The following LINGO2 variants were observed in gnomAD, a reference collection of about 807,000 sequenced individuals.
LINGO2 encodes leucine rich repeat and Ig domain containing 2.
Under a neutral mutation model 30.6 loss-of-function variants are expected in LINGO2, and 14 were observed. That is an observed-to-expected ratio of 0.46 (90% CI 0.30 to 0.72). The LOEUF is 0.72. LINGO2 is among the 30% of genes least tolerant of loss of function. LINGO2 has a pLI of 0.07. For synonymous variants in LINGO2, 317 were observed against 288.5 expected, an observed-to-expected ratio of 1.10 and a Z score of -1.00; for missense variants, 729 against 751.7, an observed-to-expected ratio of 0.97 and a Z score of 0.35.
intron 4 of LINGO2, among the ~76,000 whole-genome samples, chr9:28,198,385 T>A (rs1820094952): frequency 6.6e-6 from 1 of 152,136 alleles, no homozygotes; most frequent in Non-Finnish European, 1.5e-5. Context: ...TGGATAAATA[T>A]ACTGTATAGG....
intron 5 of LINGO2, among the ~76,000 whole-genome samples, chr9:28,011,803 G>A (rs550333687): frequency 3.0e-4 from 46 of 152,320 alleles, no homozygotes; most frequent in Non-Finnish European, 5.6e-4. Context: ...CCTGGCAAGA[G>A]AAGTGGCCTG....
At chr9:28,381,346 T>A (rs1184719881) in intron 2 of LINGO2, among the ~76,000 whole-genome samples, 1 of 152,118 alleles carries the variant, frequency 6.6e-6, no homozygotes, top group African/African-American at 2.4e-5. Context: ...AAAAATAATT[T>A]CAGTCTCCAT....
In LINGO2 at chr9:28,181,626, T is replaced by A. The variant is rs1443117282; in HGVS notation, c.-87+113582A>T. The stretch of plus-strand genomic sequence containing the variant: ...CAACTTTGGGAAGCCTAATGAAATG[T>A]TTTCAAATTGACAGCAAAGACCCTG... On this transcript the variant is annotated intron_variant, in intron 4 of 5. Coordinates refer to ENST00000379992, the Ensembl canonical transcript of LINGO2. 3.9e-5 allele frequency among the ~76,000 whole-genome samples: 6 copies of A among 152,144 alleles called. No individual in the cohort carries two copies. The South Asian group carries it at 1.0e-3, about 26-fold the overall frequency.
chr9:29,005,647 T>C, the LINGO2 span, among the ~76,000 whole-genome samples: 1 of 152,088 alleles, frequency 6.6e-6, no homozygotes, highest in Non-Finnish European at 1.5e-5. Context: ...GACACCCATG[T>C]ATACCAAAAT....
the LINGO2 span, among the ~76,000 whole-genome samples, chr9:28,701,941 C>A: frequency 4.6e-5 from 7 of 151,914 alleles, no homozygotes; most frequent in South Asian, 1.5e-3. Context: ...TTCTTTAATG[C>A]TGATATATGG....
chr9:28,820,615 CA>C, the LINGO2 span, among the ~76,000 whole-genome samples: 2 of 151,946 alleles, frequency 1.3e-5, no homozygotes, highest in Non-Finnish European at 2.9e-5. Context: ...AAACAATTTG[CA>C]AAAAAACTGG....
At chr9:29,202,140 G>A in the LINGO2 span, among the ~76,000 whole-genome samples, 4 of 151,516 alleles carry the variant, frequency 2.6e-5, no homozygotes, top group Non-Finnish European at 4.4e-5. Context: ...TTGTCTTCCA[G>A]GACCACATGA....
intron 1 of LINGO2, among the ~76,000 whole-genome samples, chr9:28,594,057 A>C (rs112663002): frequency 1.2e-3 from 188 of 152,184 alleles, no homozygotes; most frequent in Admixed American, 6.4e-3. Flanking sequence ...ATAAAAAAAA[A>C]CACAAAAGTA....
intron 2 of LINGO2, among the ~76,000 whole-genome samples, chr9:28,397,410 TC>T (rs1193910698): frequency 6.7e-6 from 1 of 149,832 alleles, no homozygotes; most frequent in Non-Finnish European, 1.5e-5. Context: ...TATGGATAAA[TC>T]TAGCTAATTA....
At chr9:28,097,872 T>TA (rs113042336) in intron 4 of LINGO2, among the ~76,000 whole-genome samples, 142,439 of 151,108 alleles carry the variant, frequency 0.94, 67,046 homozygotes, top group South Asian at 0.99. Context: ...ACACAACCTC[T>TA]TAAAAAAAAT....
intron 4 of LINGO2, among the ~76,000 whole-genome samples, chr9:28,041,971 C>A (rs954788712): frequency 6.6e-5 from 10 of 152,156 alleles, no homozygotes; most frequent in Non-Finnish European, 1.3e-4. Context: ...GGTTTTAAAG[C>A]TTAGCTCTGT....
chr9:28,023,932 T>C (rs1303012425), intron 4 of LINGO2, among the ~76,000 whole-genome samples: 1 of 152,186 alleles, frequency 6.6e-6, no homozygotes, highest in Non-Finnish European at 1.5e-5. Flanking sequence ...TACCCATTTA[T>C]GGTTCCAGTA....
At chr9:28,278,006 C>G (rs974137222) in intron 4 of LINGO2, among the ~76,000 whole-genome samples, 2 of 151,850 alleles carry the variant, frequency 1.3e-5, no homozygotes, top group Non-Finnish European at 2.9e-5. Context: ...CTCCAGTGAA[C>G]CCAAAAATTG....
At chr9:28,881,401 G>T in the LINGO2 span, among the ~76,000 whole-genome samples, 3 of 152,070 alleles carry the variant, frequency 2.0e-5, no homozygotes, top group African/African-American at 7.2e-5. Context: ...TGGAATTATA[G>T]GCATGAGCCA....
At chr9:28,543,184 G>T (rs1821782310) in intron 1 of LINGO2, among the ~76,000 whole-genome samples, 1 of 152,092 alleles carries the variant, frequency 6.6e-6, no homozygotes, top group Non-Finnish European at 1.5e-5. Context: ...AATGTCTTTA[G>T]CAGATTTAAC....
At chr9:28,700,365 A>G in the LINGO2 span, among the ~76,000 whole-genome samples, 1 of 152,046 alleles carries the variant, frequency 6.6e-6, no homozygotes, top group African/African-American at 2.4e-5. Context: ...TACTTTCTCT[A>G]GAATCTCCTA....
chr9:29,208,629 C>T, the LINGO2 span, among the ~76,000 whole-genome samples: 2 of 152,078 alleles, frequency 1.3e-5, no homozygotes, highest in African/African-American at 4.8e-5. Flanking sequence ...TCAAGCGCTA[C>T]ATTTACTTGG....
intron 1 of LINGO2, among the ~76,000 whole-genome samples, chr9:28,584,564 C>A (rs1471155940): frequency 2.0e-5 from 3 of 151,898 alleles, no homozygotes; most frequent in Non-Finnish European, 4.4e-5. Flanking sequence ...AAAAAATTAT[C>A]CCTGTGTCGA....
chr9:28,449,426 T>C (rs1824561218), intron 2 of LINGO2, among the ~76,000 whole-genome samples: 2 of 152,098 alleles, frequency 1.3e-5, no homozygotes, highest in Admixed American at 1.3e-4. Context: ...AAAATAAATA[T>C]CCATAAAGCC....
Sources: gnomAD v4.1 joint callset for allele counts (sites outside exome capture counted in the v4.1 genomes callset) on GRCh38, gnomAD v4.1.1 for gene constraint, MANE v1.5 for transcripts, NCBI Gene and HGNC (gene_info 2026-07-23, HGNC 2026-07-21) for gene names.